The following KCNQ3 variants were observed in gnomAD, a reference collection of about 807,000 sequenced individuals.
The protein encoded by KCNQ3 is potassium voltage-gated channel subfamily Q member 3, also known as potassium voltage-gated channel subfamily KQT member 3.
A neutral mutation model predicts 92.5 loss-of-function variants in KCNQ3; 30 were observed. That is an observed-to-expected ratio of 0.32 (90% CI 0.24 to 0.44). KCNQ3 has a LOEUF of 0.44. Among genes scored for constraint, KCNQ3 ranks in the 20% least tolerant of loss-of-function variants. The pLI is 1.00. For missense variants in KCNQ3, 913 were observed against 1,140.3 expected, an observed-to-expected ratio of 0.80 and a Z score of 2.87; for synonymous variants, 450 against 468.8, an observed-to-expected ratio of 0.96 and a Z score of 0.52.
chr8:132,402,188 A>G (rs1309775585), intron 1 of KCNQ3, among the ~76,000 whole-genome samples: 3 of 152,156 alleles, frequency 2.0e-5, no homozygotes, highest in Non-Finnish European at 4.4e-5. Context: ...GGGCCACAGC[A>G]CTTCCATCTT....
chr8:132,220,216 A>C (rs1029727693), intron 1 of KCNQ3, among the ~76,000 whole-genome samples: 5 of 152,150 alleles, frequency 3.3e-5, no homozygotes, highest in Non-Finnish European at 5.9e-5. Context: ...TCTTACAAGC[A>C]GTCTGCAGCA....
At chr8:132,440,819 G>A (rs1440232883) in intron 1 of KCNQ3, among the ~76,000 whole-genome samples, 1 of 152,124 alleles carries the variant, frequency 6.6e-6, no homozygotes, top group Non-Finnish European at 1.5e-5. Flanking sequence ...GCCAAACCCT[G>A]CAAAATACAT....
intron 1 of KCNQ3, among the ~76,000 whole-genome samples, chr8:132,320,482 AC>A (rs1165107708): frequency 6.6e-6 from 1 of 152,000 alleles, no homozygotes; most frequent in Non-Finnish European, 1.5e-5. Flanking sequence ...TGTCACCAAA[AC>A]CCAGGACAGC....
At chr8:132,303,655 A>ACGG (rs1817312416) in intron 1 of KCNQ3, among the ~76,000 whole-genome samples, 1 of 24,798 alleles carries the variant, frequency 4.0e-5, no homozygotes, top group Non-Finnish European at 5.9e-5. Flanking sequence ...ATATATATTT[A>ACGG]TGGTGTGTGT....
intron 1 of KCNQ3, among the ~76,000 whole-genome samples, chr8:132,370,071 T>C (rs569894188): frequency 6.6e-6 from 1 of 152,268 alleles, no homozygotes; most frequent in East Asian, 1.9e-4. Context: ...GACTCTTATA[T>C]TGTGACTCTC....
intron 1 of KCNQ3, among the ~76,000 whole-genome samples, chr8:132,262,950 G>A (rs1815839185): frequency 6.6e-6 from 1 of 152,142 alleles, no homozygotes; most frequent in South Asian, 2.1e-4. Flanking sequence ...TACAGCCATT[G>A]TTCTCATTTC....
intron 1 of KCNQ3, among the ~76,000 whole-genome samples, chr8:132,383,590 A>G (rs1819812553): frequency 1.3e-5 from 2 of 152,194 alleles, no homozygotes; most frequent in African/African-American, 4.8e-5. Context: ...CCAGCGCCAT[A>G]TAACATCAAC....
At chr8:132,357,170 T>C (rs902981435) in intron 1 of KCNQ3, among the ~76,000 whole-genome samples, 2 of 152,166 alleles carry the variant, frequency 1.3e-5, no homozygotes, top group African/African-American at 4.8e-5. Context: ...CATGTGGCAT[T>C]AGATTCATTT....
chr8:132,329,308 C>A (rs1818161464), intron 1 of KCNQ3, among the ~76,000 whole-genome samples: 1 of 152,158 alleles, frequency 6.6e-6, no homozygotes, highest in Non-Finnish European at 1.5e-5. Context: ...CTCCACCAGC[C>A]CCACCATGTG....
chr8:132,140,366 T>C, intron 10 of KCNQ3, 188 bp from the exon 11 acceptor site: 1 of 573,858 alleles, frequency 1.7e-6, no homozygotes, highest in South Asian at 2.1e-5. Flanking sequence ...ACCCTCATTC[T>C]ATTACCCAGA....
intron 1 of KCNQ3, among the ~76,000 whole-genome samples, chr8:132,267,091 C>T (rs566500447): frequency 1.3e-5 from 2 of 152,224 alleles, no homozygotes; most frequent in South Asian, 2.1e-4. Flanking sequence ...ATCCAGACCT[C>T]ATCACCTCAA....
intron 1 of KCNQ3, among the ~76,000 whole-genome samples, chr8:132,453,083 CG>C (rs1821859111): frequency 6.6e-6 from 1 of 152,104 alleles, no homozygotes. Flanking sequence ...GTTAAGGGTG[CG>C]GTCTCTCGGG....
intron 1 of KCNQ3, among the ~76,000 whole-genome samples, chr8:132,384,968 T>C (rs532952352): frequency 1.5e-3 from 232 of 152,356 alleles, no homozygotes; most frequent in Middle Eastern, 3.4e-3. Flanking sequence ...TGCCAACAGA[T>C]CTTCCCTCTG....
rs557262368 is a variant in KCNQ3 at position 132,205,723 on chromosome 8, T to C, written c.387-19542A>G. On this transcript the variant is annotated intron_variant, in intron 1 of 14. Transcript: ENST00000388996. ...CACTATGTGAGACTATAGTAGAAACTGGTGAGAAAGGATGCAAAGTCCCTG... is the reference window on the plus strand; with the variant it reads ...CACTATGTGAGACTATAGTAGAAACCGGTGAGAAAGGATGCAAAGTCCCTG... Among the ~76,000 whole-genome samples, 10 of 152,282 alleles carry C rather than the reference T, an allele frequency of 6.6e-5. No homozygotes were observed. The South Asian group carries it at 2.1e-3, about 32-fold the overall frequency.
intron 1 of KCNQ3, among the ~76,000 whole-genome samples, chr8:132,227,064 T>C (rs987316748): frequency 3.0e-4 from 45 of 149,924 alleles, no homozygotes; most frequent in Middle Eastern, 3.5e-3. Context: ...CTCACTCTTT[T>C]TTTTTTTTTT....
intron 1 of KCNQ3, among the ~76,000 whole-genome samples, chr8:132,293,247 G>C (rs1816911694): frequency 6.6e-6 from 1 of 152,208 alleles, no homozygotes. Context: ...AACTCAAAGA[G>C]GGGGTCATGG....
intron 1 of KCNQ3, among the ~76,000 whole-genome samples, chr8:132,442,443 G>T (rs777575858): frequency 6.6e-6 from 1 of 152,194 alleles, no homozygotes; most frequent in Admixed American, 6.5e-5. Context: ...CAAACTCCAT[G>T]GAGCTGCAGA....
At chr8:132,150,073 CT>C (rs3048520) in intron 9 of KCNQ3, among the ~76,000 whole-genome samples, 3,210 of 147,364 alleles carry the variant, frequency 0.022, 109 homozygotes, top group African/African-American at 0.073. Context: ...TTAAACAAAG[CT>C]TTTTTTTTTT....
At chr8:132,335,133 C>T (rs945894539) in intron 1 of KCNQ3, among the ~76,000 whole-genome samples, 13 of 151,872 alleles carry the variant, frequency 8.6e-5, no homozygotes, top group African/African-American at 1.5e-4. Flanking sequence ...CTCCACCTCC[C>T]GGGTTCAAGT....
Sources: gnomAD v4.1 joint callset for allele counts (sites outside exome capture counted in the v4.1 genomes callset) on GRCh38, gnomAD v4.1.1 for gene constraint, MANE v1.5 for transcripts, NCBI Gene and HGNC (gene_info 2026-07-23, HGNC 2026-07-21) for gene names.